Variants in RRH observed in about 807,000 individuals in gnomAD.
RRH encodes retinal pigment epithelium-derived rhodopsin homolog.
In RRH, 36 loss-of-function variants were observed where a neutral mutation model predicts 33.1. The observed-to-expected ratio is 1.09, with a 90% CI of 0.83 to 1.44. RRH has a LOEUF of 1.44. Ranked by LOEUF, RRH falls within the 40% of genes most tolerant of loss-of-function variation. The pLI, the probability that RRH is intolerant of heterozygous loss-of-function variation, is 0.00. For missense variants in RRH, 393 were observed against 420.2 expected (o/e 0.94, Z 0.57); for synonymous variants, 124 against 140.2 (o/e 0.88, Z 0.82).
chr4:109,838,982 C>A (rs1163380436), intron 5 of RRH, among the ~76,000 whole-genome samples: 1 of 150,644 alleles, frequency 6.6e-6, no homozygotes, highest in Admixed American at 6.6e-5. Flanking sequence ...TCTGTTTTTT[C>A]TTTTCTTCTC....
At chr4:109,830,790 G>A (rs1029884009) in intron 1 of RRH, among the ~76,000 whole-genome samples, 2 of 152,106 alleles carry the variant, frequency 1.3e-5, no homozygotes, top group African/African-American at 2.4e-5. Context: ...GTTGGACAAT[G>A]CACATATTTA....
At chr4:109,833,097 C>T in intron 1 of RRH, 42 bp from the exon 2 acceptor site, 2 of 1,513,718 alleles carry the variant, frequency 1.3e-6, no homozygotes, top group Non-Finnish European at 1.8e-6. Context: ...TTGAAACATT[C>T]AAATTAAACA....
Position 109,835,185 on chromosome 4 carries a change from A to G in RRH, c.298-181A>G, listed in dbSNP as rs559899801. Among the ~76,000 whole-genome samples, 17 of 152,364 alleles carry G rather than the reference A, an allele frequency of 1.1e-4. 1 individual carries two copies. In the South Asian group the frequency reaches 3.5e-3, roughly 32 times the overall value. On this transcript the variant is annotated intron_variant, in intron 2 of 6. Transcript: ENST00000317735. ...AGTCCATTTTAGTTAATGAAATTAC[A>G]AATTACTTTCCATAAATTCTTTTAT...
At chr4:109,833,413 T>A in intron 2 of RRH, 84 bp downstream of exon 2, 1 of 1,060,284 alleles carries the variant, frequency 9.4e-7, no homozygotes, top group Non-Finnish European at 1.4e-6. Context: ...CCCAAGAGTT[T>A]AAATTGAATA....
At chr4:109,830,496 A>G (rs1733726331) in intron 1 of RRH, among the ~76,000 whole-genome samples, 1 of 152,076 alleles carries the variant, frequency 6.6e-6, no homozygotes, top group Non-Finnish European at 1.5e-5. Flanking sequence ...GGATGTTGGG[A>G]TTGTGGGAGA....
In RRH at chr4:109,844,068, C is replaced by G. The variant is rs370235257; in HGVS notation, c.900-15C>G. ...CATTATGGGTTAATGCCAGATTTTCCTTTTTTTATCGTAGGTTTCGGAGGG... is the reference window on the plus strand; with the variant it reads ...CATTATGGGTTAATGCCAGATTTTCGTTTTTTTATCGTAGGTTTCGGAGGG... On this transcript the variant is annotated splice_polypyrimidine_tract_variant and intron_variant, in intron 6 of 6. Coordinates refer to ENST00000317735, the MANE Select transcript of RRH (RefSeq NM_006583.5). 1.3e-6 allele frequency: 2 copies of G among 1,579,402 alleles called. No individual in the cohort carries two copies. Among genetic ancestry groups the G allele is most frequent in the African/African-American group, 2.7e-5 (2 of 74,152 alleles).
chr4:109,834,362 C>T (rs1276714636), intron 2 of RRH, among the ~76,000 whole-genome samples: 3 of 146,414 alleles, frequency 2.0e-5, no homozygotes, highest in South Asian at 2.1e-4. Context: ...TGGAGTCACG[C>T]TCCGTTGCCC....
rs1368025438 is a variant in RRH, at chr4:109,836,092, A to G, written c.483A>G (p.Ile161Met). Residue 161 changes from isoleucine to methionine, a missense_variant, in exon 4 of 7, where the codon ATA becomes ATG. Coordinates refer to ENST00000317735, the MANE Select transcript of RRH (RefSeq NM_006583.5). The part of the protein sequence containing the change: ...NGLFWALMPI[I>M]GWASYAPDPT... ...TGTTTTGGGCTTTGATGCCTATCAT[A>G]GGGTGGGCTAGTTATGCCCCAGATC... 2 of 1,614,210 alleles carry G rather than the reference A, an allele frequency of 1.2e-6. No individual in the cohort carries two copies. Among genetic ancestry groups the G allele is most frequent in the Non-Finnish European group, 1.7e-6 (2 of 1,180,012 alleles).
chr4:109,833,468 T>C, intron 2 of RRH, 139 bp downstream of exon 2: 1 of 694,344 alleles, frequency 1.4e-6, no homozygotes, highest in Non-Finnish European at 2.5e-6. Context: ...ACAACAGAAG[T>C]GACTAGGAAT....
chr4:109,832,495 AGTGTGT>A (rs36127904), intron 1 of RRH, among the ~76,000 whole-genome samples: 61,263 of 135,056 alleles, frequency 0.45, 15,445 homozygotes, highest in Non-Finnish European at 0.59. Flanking sequence ...CTATTGGGGT[AGTGTGT>A]GTGTGTGTGT....
At chr4:109,832,266 A>G (rs1228039026) in intron 1 of RRH, among the ~76,000 whole-genome samples, 1 of 148,764 alleles carries the variant, frequency 6.7e-6, no homozygotes, top group Non-Finnish European at 1.5e-5. Flanking sequence ...ACTCGACAGT[A>G]TTTCTCAGTG....
chr4:109,837,845 G>A (rs1463152409), intron 5 of RRH, among the ~76,000 whole-genome samples: 1 of 151,760 alleles, frequency 6.6e-6, no homozygotes, highest in Non-Finnish European at 1.5e-5. Context: ...GCACGATCTC[G>A]GCTCACTGCA....
At chr4:109,834,658 TG>T (rs1390700051) in intron 2 of RRH, among the ~76,000 whole-genome samples, 1 of 150,858 alleles carries the variant, frequency 6.6e-6, no homozygotes, top group African/African-American at 2.4e-5. Flanking sequence ...TTTTTTTTTC[TG>T]TCACAGATAA....
rs189099933 is a variant in RRH at position 109,838,605 on chromosome 4, A to G, written c.720+1000A>G. Among the ~76,000 whole-genome samples the G allele has an allele frequency of 2.0e-5, 3 of 152,252 alleles. No homozygotes were observed. The East Asian group carries it at 5.8e-4, about 29-fold the overall frequency. ...AGAGGTAAATTTTTTAAGACTTTGC[A>G]TGAATGAAAATGTCTTAATTTTACT... On this transcript the variant is annotated intron_variant, in intron 5 of 6. Transcript: ENST00000317735.
Position 109,844,068 on chromosome 4 carries a change from CT to C in RRH, c.900-8del. The stretch of plus-strand genomic sequence containing the variant: ...CATTATGGGTTAATGCCAGATTTTC[CT>C]TTTTTTATCGTAGGTTTCGGAGGGC... On this transcript the variant is annotated splice_polypyrimidine_tract_variant and intron_variant, in intron 6 of 6. Coordinates refer to ENST00000317735, the MANE Select transcript of RRH (RefSeq NM_006583.5). 10 of 1,579,430 alleles carry C rather than the reference CT, an allele frequency of 6.3e-6. No individual in the cohort carries two copies. The highest frequency in any genetic ancestry group is 1.1e-5 in the South Asian group (1 of 90,302).
chr4:109,835,787 C>CT lies in RRH; in HGVS notation c.398-209dup, dbSNP rs60760122. 4.1e-3 allele frequency among the ~76,000 whole-genome samples: 611 copies of CT among 148,418 alleles called. 2 individuals are homozygous for CT. The highest frequency in any genetic ancestry group is 5.6e-3 in the Non-Finnish European group (371 of 66,642). On this transcript the variant is annotated intron_variant, in intron 3 of 6. Coordinates refer to ENST00000317735, the MANE Select transcript of RRH (RefSeq NM_006583.5). ...CTCATTTAGGTTTCAGCTTAAATGT[C>CT]TTTTTTTTTTTCCAGAATGTGAACT...
chr4:109,843,451 C>G (rs142763672), intron 6 of RRH, among the ~76,000 whole-genome samples: 1 of 152,154 alleles, frequency 6.6e-6, no homozygotes, highest in Non-Finnish European at 1.5e-5. Flanking sequence ...CCTCGTGATC[C>G]GCCCGCCTCG....
rs1734034095 is a variant in RRH, at chr4:109,844,126, C to T, written c.943C>T (p.Gln315Ter). 1 of 1,613,926 alleles carries T rather than the reference C, an allele frequency of 6.2e-7. No individual in the cohort carries two copies. The highest frequency in any genetic ancestry group is 8.5e-7 in the Non-Finnish European group (1 of 1,179,860). The change falls in exon 7 of 7, where the codon CAA (glutamine) becomes TAA (stop). Residue 315 changes from glutamine (Q) to a stop codon, truncating the protein, a stop_gained. Transcript: ENST00000317735. LOFTEE classifies it high-confidence loss of function. ...TGCCATGTTCAAATGTCAGACTCACCAAACAATGCCTGTGACAAGTATTTT... is the reference window on the plus strand; with the variant it reads ...TGCCATGTTCAAATGTCAGACTCACTAAACAATGCCTGTGACAAGTATTTT... Reference protein sequence around the residue: ...MLAMFKCQTHQTMPVTSILPM... With the variant: ...MLAMFKCQTH
intron 2 of RRH, 81 bp from the exon 3 acceptor site, chr4:109,835,285 A>C (rs1031747008): frequency 1.1e-6 from 1 of 879,578 alleles, no homozygotes; most frequent in Non-Finnish European, 1.9e-6. Flanking sequence ...TATTTGAGAT[A>C]TATTCTAACA....
Sources: gnomAD v4.1 joint callset for allele counts (sites outside exome capture counted in the v4.1 genomes callset) on GRCh38, gnomAD v4.1.1 for gene constraint, MANE v1.5 for transcripts, NCBI Gene and HGNC (gene_info 2026-07-23, HGNC 2026-07-21) for gene names.